SERINC1: variants seen among roughly 807,000 people sequenced by gnomAD.
SERINC1 encodes serine incorporator 1.
SERINC1 carries 38 observed loss-of-function variants against 52.9 expected under a neutral mutation model. That is an observed-to-expected ratio of 0.72 (90% CI 0.55 to 0.94). The LOEUF is 0.94. Ranked by LOEUF, SERINC1 falls within the 40% of genes least tolerant of loss-of-function variation. The pLI is 0.00. For synonymous variants in SERINC1, 198 were observed against 183.1 expected, an observed-to-expected ratio of 1.08 and a Z score of -0.66; for missense variants, 471 against 533.9, an observed-to-expected ratio of 0.88 and a Z score of 1.16.
chr6:122,451,038 A>G (rs1208443443), intron 7 of SERINC1, among the ~76,000 whole-genome samples: 1 of 152,184 alleles, frequency 6.6e-6, no homozygotes, highest in African/African-American at 2.4e-5. Context: ...TTGGAAGGAA[A>G]TTCTACTCTG....
chr6:122,446,314 T>C (rs1193596350), intron 9 of SERINC1, among the ~76,000 whole-genome samples: 1 of 152,156 alleles, frequency 6.6e-6, no homozygotes, highest in Non-Finnish European at 1.5e-5. Flanking sequence ...TTGTTGCTTG[T>C]AGAAAGAATT....
intron 1 of SERINC1, among the ~76,000 whole-genome samples, chr6:122,459,586 A>G (rs1775064536): frequency 6.6e-6 from 1 of 152,222 alleles, no homozygotes; most frequent in Non-Finnish European, 1.5e-5. Flanking sequence ...ACTTTAGCAA[A>G]AGTTAAACAT....
Position 122,453,914 on chromosome 6 carries a change from G to A in SERINC1, c.452-7C>T. On this transcript the variant is annotated splice_region_variant and splice_polypyrimidine_tract_variant and intron_variant, in intron 4 of 9. Transcript: ENST00000339697. ...ATGCCTACATAAAACCACACTGAAAGGGAAAGAAAGCATACATAAGTGATT... is the reference window on the plus strand; with the variant it reads ...ATGCCTACATAAAACCACACTGAAAAGGAAAGAAAGCATACATAAGTGATT... The A allele has an allele frequency of 6.3e-7, 1 of 1,581,274 alleles. No homozygotes were observed. Among genetic ancestry groups the A allele is most frequent in the South Asian group, 1.2e-5 (1 of 86,420 alleles).
intron 1 of SERINC1, among the ~76,000 whole-genome samples, chr6:122,465,828 TAC>T (rs1173729336): frequency 6.6e-6 from 1 of 152,232 alleles, no homozygotes; most frequent in African/African-American, 2.4e-5. Context: ...TTAATATACT[TAC>T]AGAGTATATT....
chr6:122,445,993 C>A (rs1453685309), intron 9 of SERINC1, among the ~76,000 whole-genome samples: 8 of 150,916 alleles, frequency 5.3e-5, no homozygotes, highest in African/African-American at 1.9e-4. Context: ...AAAGGCTGCA[C>A]TCAAAGACAT....
At chr6:122,459,271 A>G (rs1775057728) in intron 1 of SERINC1, among the ~76,000 whole-genome samples, 1 of 152,186 alleles carries the variant, frequency 6.6e-6, no homozygotes, top group African/African-American at 2.4e-5. Context: ...AGGGAACAGA[A>G]TATCTTCCTG....
At chr6:122,448,981 G>A (rs1774858009) in intron 7 of SERINC1, among the ~76,000 whole-genome samples, 1 of 151,868 alleles carries the variant, frequency 6.6e-6, no homozygotes, top group Non-Finnish European at 1.5e-5. Flanking sequence ...ATCTGTTATG[G>A]TGATCTCTCA....
At position 122,453,910 on chromosome 6, in the gene SERINC1, GA is replaced by G; in HGVS notation, c.452-4del. The G allele has an allele frequency of 6.3e-7, 1 of 1,581,638 alleles. No homozygotes were observed. Among genetic ancestry groups the G allele is most frequent in the Non-Finnish European group, 8.6e-7 (1 of 1,161,612 alleles). On this transcript the variant is annotated splice_polypyrimidine_tract_variant and splice_region_variant and intron_variant, in intron 4 of 9. Coordinates refer to ENST00000339697, the MANE Select transcript of SERINC1 (RefSeq NM_020755.4). ...TGCCATGCCTACATAAAACCACACT[GA>G]AAGGGAAAGAAAGCATACATAAGTG...
chr6:122,457,967 C>A (rs751393092), intron 2 of SERINC1, among the ~76,000 whole-genome samples: 1 of 152,210 alleles, frequency 6.6e-6, no homozygotes, highest in East Asian at 1.9e-4. Context: ...TTTTGTAGGA[C>A]CAGAACCTGG....
Position 122,451,940 on chromosome 6 carries a change from T to C in SERINC1, c.707A>G (p.Asn236Ser), listed in dbSNP as rs1243276112. Residue 236 changes from asparagine (N) to serine (S), a missense_variant, in exon 6 of 10, where the codon AAC (asparagine) becomes AGC (serine). Asn to Ser is a conservative substitution (Grantham distance 46). Coordinates refer to ENST00000339697, the MANE Select transcript of SERINC1 (RefSeq NM_020755.4). ...CSENKAFISV[N>S]MLLCVGASVM... is the part of the protein sequence containing the mutation. ...AGAAGCACCAACGCAGAGGAGCATG[T>C]TGACACTGATGAACGCCTTGTTTTC... 1 of 1,599,570 alleles carries C rather than the reference T, an allele frequency of 6.3e-7. No homozygotes were observed. Among genetic ancestry groups the C allele is most frequent in the Non-Finnish European group, 8.5e-7 (1 of 1,173,742 alleles).
intron 2 of SERINC1, among the ~76,000 whole-genome samples, chr6:122,457,289 C>T (rs1775014703): frequency 6.6e-6 from 1 of 152,164 alleles, no homozygotes; most frequent in South Asian, 2.1e-4. Flanking sequence ...TCTCCACTAA[C>T]TCCCTTAAGT....
At position 122,467,273 on chromosome 6, in the gene SERINC1, T is replaced by C. The variant is rs545313997; in HGVS notation, c.39+4426A>G. ...ACATGTATCTGAACTTAGAGATGCA[T>C]ACAGCTGGGGAAAAGTCTGAGGTTA... On this transcript the variant is annotated intron_variant, in intron 1 of 9. Coordinates refer to ENST00000339697, the MANE Select transcript of SERINC1 (RefSeq NM_020755.4). Among the ~76,000 whole-genome samples the C allele has an allele frequency of 6.0e-4, 92 of 152,198 alleles. 1 individual carries two copies. The highest frequency in any genetic ancestry group is 2.1e-3 in the African/African-American group (87 of 41,552).
At chr6:122,453,648 A>C (rs1219849324) in intron 5 of SERINC1, 122 bp downstream of exon 5, 1 of 744,652 alleles carries the variant, frequency 1.3e-6, no homozygotes, top group African/African-American at 1.8e-5. Context: ...ACAAAGTTTA[A>C]ATTAAAAACC....
intron 1 of SERINC1, among the ~76,000 whole-genome samples, chr6:122,469,733 A>G (rs1455797545): frequency 6.6e-6 from 1 of 151,004 alleles, no homozygotes; most frequent in African/African-American, 2.4e-5. Flanking sequence ...TTTTTTTTGT[A>G]TTTTTAGTAG....
At chr6:122,467,979 C>T (rs563098833) in intron 1 of SERINC1, among the ~76,000 whole-genome samples, 11 of 152,094 alleles carry the variant, frequency 7.2e-5, no homozygotes, top group Non-Finnish European at 5.9e-5. Context: ...ATTAGAAATA[C>T]GGCAATAAAT....
chr6:122,449,892 T>C (rs2114476426), intron 7 of SERINC1, among the ~76,000 whole-genome samples: 1 of 152,300 alleles, frequency 6.6e-6, no homozygotes, highest in East Asian at 1.9e-4. Flanking sequence ...GGCGCAGGCC[T>C]GTAATCCCAG....
At chr6:122,453,698 T>C in intron 5 of SERINC1, 72 bp downstream of exon 5, 1 of 1,247,716 alleles carries the variant, frequency 8.0e-7, no homozygotes, top group Non-Finnish European at 1.1e-6. Context: ...CTAAGTGATT[T>C]ACCTAGTCTA....
intron 2 of SERINC1, among the ~76,000 whole-genome samples, chr6:122,458,104 T>C (rs1775033479): frequency 6.6e-6 from 1 of 152,158 alleles, no homozygotes; most frequent in Non-Finnish European, 1.5e-5. Context: ...AGCCTCCATA[T>C]TTAACTGCTT....
chr6:122,467,195 G>A (rs867597454), intron 1 of SERINC1, among the ~76,000 whole-genome samples: 1 of 152,226 alleles, frequency 6.6e-6, no homozygotes, highest in Non-Finnish European at 1.5e-5. Context: ...CTATAGACTA[G>A]AGCAGGTCAG....
Sources: gnomAD v4.1 joint callset for allele counts (sites outside exome capture counted in the v4.1 genomes callset) on GRCh38, gnomAD v4.1.1 for gene constraint, MANE v1.5 for transcripts, NCBI Gene and HGNC (gene_info 2026-07-23, HGNC 2026-07-21) for gene names.